PRDM2: variants seen among roughly 807,000 people sequenced by gnomAD.
The protein encoded by PRDM2 is PR/SET domain 2.
In PRDM2, 30 loss-of-function variants were observed where a neutral mutation model predicts 130.0. The observed-to-expected ratio is 0.23, with a 90% CI of 0.17 to 0.31. The LOEUF (loss-of-function observed/expected upper bound fraction) is 0.31. PRDM2 is among the 10% of genes least tolerant of loss of function. The pLI, the probability that PRDM2 is intolerant of heterozygous loss-of-function variation, is 1.00. For missense variants in PRDM2, 2,011 were observed against 2,108.4 expected, an observed-to-expected ratio of 0.95 and a Z score of 0.90; for synonymous variants, 871 against 782.4, an observed-to-expected ratio of 1.11 and a Z score of -1.89.
intron 8 of PRDM2, among the ~76,000 whole-genome samples, chr1:13,791,590 G>T (rs1013286861): frequency 6.6e-6 from 1 of 152,140 alleles, no homozygotes; most frequent in Non-Finnish European, 1.5e-5. Context: ...TTTGTTACAT[G>T]CAAAACAAAC....
intron 8 of PRDM2, among the ~76,000 whole-genome samples, chr1:13,791,673 A>T (rs1043169502): frequency 9.9e-5 from 15 of 152,184 alleles, no homozygotes; most frequent in Non-Finnish European, 2.1e-4. Context: ...TGTAGGTTTC[A>T]TTTAGTTTTC....
chr1:13,811,496 G>T (rs530110618), intron 8 of PRDM2, among the ~76,000 whole-genome samples: 2 of 152,346 alleles, frequency 1.3e-5, no homozygotes, highest in Admixed American at 6.5e-5. Context: ...CAGGGGCCGG[G>T]CCTGGGGAGG....
rs932482515 is a variant in PRDM2, at chr1:13,729,020, A to G, written c.10-1980A>G. The stretch of plus-strand genomic sequence containing the variant: ...AACTCCTTGATGATTAGGACTGACT[A>G]TAGGCACTCGAATCAGACAGATATT... On this transcript the variant is annotated intron_variant, in intron 2 of 9. Coordinates refer to ENST00000311066, the MANE Select transcript of PRDM2 (RefSeq NM_001393986.1). Among the ~76,000 whole-genome samples, 7 of 152,278 alleles carry G rather than the reference A, an allele frequency of 4.6e-5. No homozygotes were observed. In the East Asian group the frequency reaches 5.8e-4, roughly 13 times the overall value.
At chr1:13,775,698 C>T (rs926275749) in intron 7 of PRDM2, among the ~76,000 whole-genome samples, 3 of 152,164 alleles carry the variant, frequency 2.0e-5, no homozygotes, top group African/African-American at 7.2e-5. Flanking sequence ...ACTGTATCCA[C>T]GCAGTCCCCA....
At chr1:13,763,901 C>T (rs77479053) in intron 6 of PRDM2, among the ~76,000 whole-genome samples, 1,566 of 152,150 alleles carry the variant, frequency 0.01, 10 homozygotes, top group Middle Eastern at 0.024. Flanking sequence ...ATATCGTAGC[C>T]TGATTTGATT....
At position 13,803,036 on chromosome 1, in the gene PRDM2, C is replaced by T. The variant is rs550985243; in HGVS notation, c.5037-13391C>T. ...GGGCTGGTCGTGTCACGGGCAGTGA[C>T]GGTGTTTCCAGCCGAGGTGACATTC... On this transcript the variant is annotated intron_variant, in intron 8 of 9. Transcript: ENST00000311066. This position sits in a 1 kb window ranked among gnomAD's most constrained non-coding sequence, Gnocchi z 6.2. Among the ~76,000 whole-genome samples, 37 of 152,286 alleles carry T rather than the reference C, an allele frequency of 2.4e-4. 1 individual carries two copies. Among genetic ancestry groups the T allele is most frequent in the Admixed American group, 1.8e-3 (28 of 15,304 alleles).
intron 8 of PRDM2, among the ~76,000 whole-genome samples, chr1:13,810,682 G>A (rs1645157269): frequency 6.6e-6 from 1 of 151,724 alleles, no homozygotes; most frequent in African/African-American, 2.4e-5. Context: ...TTTTAGTAGA[G>A]ACGGGGTTTC....
chr1:13,795,451 G>A (rs530044008), intron 8 of PRDM2, among the ~76,000 whole-genome samples: 1 of 152,322 alleles, frequency 6.6e-6, no homozygotes, highest in South Asian at 2.1e-4. Flanking sequence ...TTAATCATGA[G>A]TTTGTGCTAC....
intron 6 of PRDM2, among the ~76,000 whole-genome samples, chr1:13,761,125 C>T (rs1003836731): frequency 2.6e-5 from 4 of 152,252 alleles, no homozygotes; most frequent in African/African-American, 4.8e-5. Context: ...CATTAGGTAA[C>T]TCTTGGAATT....
intron 8 of PRDM2, among the ~76,000 whole-genome samples, chr1:13,790,854 G>A (rs548100467): frequency 6.6e-6 from 1 of 152,192 alleles, no homozygotes; most frequent in South Asian, 2.1e-4. Context: ...CCCTTGTGCC[G>A]CTTCCTCTGA....
intron 8 of PRDM2, chr1:13,786,572 T>C: frequency 6.2e-7 from 1 of 1,604,796 alleles, no homozygotes; most frequent in Non-Finnish European, 8.5e-7. Flanking sequence ...TAAAAAGTAT[T>C]GCATGCTCAA....
chr1:13,739,516 C>A (rs975365390), intron 4 of PRDM2, among the ~76,000 whole-genome samples: 1 of 152,072 alleles, frequency 6.6e-6, no homozygotes, highest in African/African-American at 2.4e-5. Flanking sequence ...TAAATCGTGC[C>A]ATATAATCTA....
At chr1:13,754,516 G>T (rs771951096) in intron 6 of PRDM2, among the ~76,000 whole-genome samples, 5 of 152,146 alleles carry the variant, frequency 3.3e-5, no homozygotes, top group Admixed American at 6.5e-5. Context: ...ACATAATGTG[G>T]AGCTTTTTGT....
At chr1:13,762,015 T>G (rs377682051) in intron 6 of PRDM2, among the ~76,000 whole-genome samples, 5 of 152,224 alleles carry the variant, frequency 3.3e-5, no homozygotes, top group African/African-American at 9.6e-5. Context: ...TGTCTTCATA[T>G]GAAGGAACAT....
Position 13,782,667 on chromosome 1 carries a change from C to T in PRDM2, c.4872C>T (p.Ser1624=), listed in dbSNP as rs1241836869. 1 of 1,614,144 alleles carries T rather than the reference C, an allele frequency of 6.2e-7. No individual in the cohort carries two copies. Among genetic ancestry groups the T allele is most frequent in the Non-Finnish European group, 8.5e-7 (1 of 1,180,012 alleles). The change falls in exon 8 of 10, where the codon AGC becomes AGT. Residue 1624 remains serine (S), a synonymous_variant. Coordinates refer to ENST00000311066, the MANE Select transcript of PRDM2 (RefSeq NM_001393986.1). ...RVQKSKAVLQ[S]KSTLASKKRT... ...AGAAAAGCAAAGCTGTTTTACAAAGCAAATCCACCTTGGCGAGTAAGAAAA... is the reference window on the plus strand; with the variant it reads ...AGAAAAGCAAAGCTGTTTTACAAAGTAAATCCACCTTGGCGAGTAAGAAAA...
intron 2 of PRDM2, among the ~76,000 whole-genome samples, chr1:13,724,575 A>G (rs1464176457): frequency 6.7e-6 from 1 of 149,590 alleles, no homozygotes; most frequent in East Asian, 2.0e-4. Context: ...GCTCACTGCA[A>G]CCTCCGCCTC....
At chr1:13,731,962 CT>C (rs1018255605) in intron 3 of PRDM2, among the ~76,000 whole-genome samples, 22 of 152,230 alleles carry the variant, frequency 1.4e-4, no homozygotes, top group African/African-American at 4.8e-4. Context: ...ACATAGCGGA[CT>C]TACAGAGAAG....
intron 8 of PRDM2, among the ~76,000 whole-genome samples, chr1:13,793,758 G>A (rs1421512876): frequency 6.6e-6 from 1 of 152,098 alleles, no homozygotes; most frequent in African/African-American, 2.4e-5. Flanking sequence ...CCTGGCCCAC[G>A]TTGGAAGAAC....
chr1:13,786,714 G>C, intron 8 of PRDM2: 1 of 1,443,288 alleles, frequency 6.9e-7, no homozygotes, highest in Non-Finnish European at 9.1e-7. Flanking sequence ...GCTTCGGTGG[G>C]GGCCCAACGC....
Sources: allele counts gnomAD v4.1 joint callset (sites outside exome capture counted in the v4.1 genomes callset), GRCh38; gene constraint gnomAD v4.1.1; non-coding constraint Gnocchi (gnomAD v3.1); transcripts MANE v1.5; gene names NCBI Gene and HGNC (gene_info 2026-07-23, HGNC 2026-07-21).